The following PRKD1 variants were observed in gnomAD, a reference collection of about 807,000 sequenced individuals.
PRKD1 encodes the protein serine/threonine-protein kinase D1.
PRKD1 carries 63 observed loss-of-function variants against 95.9 expected under a neutral mutation model. That is an observed-to-expected ratio of 0.66 (90% CI 0.54 to 0.81). PRKD1 has a LOEUF of 0.81. PRKD1 is among the 30% of genes least tolerant of loss of function. PRKD1 has a pLI of 0.00. For synonymous variants in PRKD1, 425 were observed against 423.1 expected (o/e 1.00, Z -0.05); for missense variants, 1,048 against 1,165.3 (o/e 0.90, Z 1.47).
intron 1 of PRKD1, among the ~76,000 whole-genome samples, chr14:29,888,785 T>C (rs146250660): frequency 8.5e-5 from 13 of 152,342 alleles, no homozygotes; most frequent in Non-Finnish European, 1.8e-4. Context: ...ACTAAGTTAC[T>C]TATAGCTGAC....
At chr14:29,698,479 C>A (rs1393536569) in intron 2 of PRKD1, among the ~76,000 whole-genome samples, 1 of 152,130 alleles carries the variant, frequency 6.6e-6, no homozygotes, top group East Asian at 1.9e-4. Flanking sequence ...GGCCTTCTAA[C>A]TTAATTTCTG....
chr14:29,913,382 A>G (rs1289658273), intron 1 of PRKD1, among the ~76,000 whole-genome samples: 2 of 152,184 alleles, frequency 1.3e-5, no homozygotes, highest in African/African-American at 4.8e-5. Context: ...GTTAGTGAAT[A>G]TACAATTTAA....
chr14:29,904,417 G>A (rs1451631762), intron 1 of PRKD1, among the ~76,000 whole-genome samples: 3 of 152,050 alleles, frequency 2.0e-5, no homozygotes, highest in Admixed American at 6.6e-5. Flanking sequence ...TTCTTTCTGT[G>A]CCCCAATTTC....
intron 3 of PRKD1, 41 bp from the exon 4 acceptor site, chr14:29,663,900 A>G (rs757515248): frequency 2.5e-6 from 4 of 1,580,782 alleles, no homozygotes; most frequent in Non-Finnish European, 3.5e-6. Flanking sequence ...TGAACCATAA[A>G]TTAAAAAGTG....
chr14:29,732,536 T>C (rs1372963232), intron 1 of PRKD1, among the ~76,000 whole-genome samples: 10 of 152,180 alleles, frequency 6.6e-5, no homozygotes, highest in Non-Finnish European at 8.8e-5. Context: ...TAAAAAAGTA[T>C]CTAATTTTAC....
chr14:29,804,887 C>T (rs766187507), intron 1 of PRKD1, among the ~76,000 whole-genome samples: 1 of 152,082 alleles, frequency 6.6e-6, no homozygotes, highest in Non-Finnish European at 1.5e-5. Context: ...CAATTACACC[C>T]AAGAGAATGC....
Position 29,715,448 on chromosome 14 carries a change from G to A in PRKD1, c.403+10088C>T, listed in dbSNP as rs190703940. ...TTTATTTTAATTAATGTACATAGTC[G>A]CATATGGTTAAAAGCTACCACAATG... On this transcript the variant is annotated intron_variant, in intron 2 of 17. Coordinates refer to ENST00000331968, the MANE Select transcript of PRKD1 (RefSeq NM_002742.3). Among the ~76,000 whole-genome samples, 76 of 152,086 alleles carry A rather than the reference G, an allele frequency of 5.0e-4. 1 individual carries two copies. Among genetic ancestry groups the A allele is most frequent in the African/African-American group, 4.1e-4 (17 of 41,478 alleles).
Position 29,725,650 on chromosome 14 carries a change from T to C in PRKD1, c.289A>G (p.Met97Val). The change falls in exon 2 of 18, where the codon ATG becomes GTG. Residue 97 changes from methionine (M) to valine (V), a missense_variant. Met to Val is a conservative substitution (Grantham distance 21). This residue lies in a region of PRKD1 where 275 missense variants were observed against 248.6 expected (regional missense o/e 1.11). Coordinates refer to ENST00000331968, the MANE Select transcript of PRKD1 (RefSeq NM_002742.3). ...CGAAAAAGCAGGATCTTATCATACA[T>C]TCCGTAGAAACCACATTCAGGGAAC... ...QKFPECGFYG[M>V]YDKILLFRHD... is the part of the protein sequence containing the mutation. 1 of 1,613,624 alleles carries C rather than the reference T, an allele frequency of 6.2e-7. No homozygotes were observed. Among genetic ancestry groups the C allele is most frequent in the Non-Finnish European group, 8.5e-7 (1 of 1,179,684 alleles).
At chr14:29,828,745 T>G (rs1186310871) in intron 1 of PRKD1, among the ~76,000 whole-genome samples, 1 of 152,126 alleles carries the variant, frequency 6.6e-6, no homozygotes, top group African/African-American at 2.4e-5. Context: ...ACAAAACATA[T>G]ACTGAATTAG....
intron 1 of PRKD1, among the ~76,000 whole-genome samples, chr14:29,731,753 T>C (rs1174087562): frequency 1.3e-5 from 2 of 152,170 alleles, no homozygotes; most frequent in Non-Finnish European, 2.9e-5. Flanking sequence ...CTTCTTAGAA[T>C]TAATGTTTCC....
rs555988551 is a variant in PRKD1, at chr14:29,635,956, A to G, written c.1190+334T>C. 2.2e-4 allele frequency among the ~76,000 whole-genome samples: 33 copies of G among 152,062 alleles called. No individual in the cohort carries two copies. In the South Asian group the frequency reaches 6.6e-3, roughly 31 times the overall value. On this transcript the variant is annotated intron_variant, in intron 7 of 17. Transcript: ENST00000331968. ...ATGATTTCTGCTGAGTTTGATCTTG[A>G]TTTTTGTTGTTTCTACACAATGAGC...
intron 1 of PRKD1, among the ~76,000 whole-genome samples, chr14:29,856,534 C>T (rs1892511304): frequency 6.6e-6 from 1 of 152,146 alleles, no homozygotes; most frequent in African/African-American, 2.4e-5. Flanking sequence ...AATTTTAGTG[C>T]CAGTTTTATC....
chr14:29,728,177 A>G (rs150884177), intron 1 of PRKD1, among the ~76,000 whole-genome samples: 413 of 152,248 alleles, frequency 2.7e-3, no homozygotes, highest in Admixed American at 8.5e-3. Flanking sequence ...AAAAAGAAAT[A>G]TCTCCAATAA....
Position 29,909,296 on chromosome 14 carries a change from G to A in PRKD1, c.264+17953C>T, listed in dbSNP as rs866085868. Among the ~76,000 whole-genome samples, 37 of 15,066 alleles carry A rather than the reference G, an allele frequency of 2.5e-3. No individual in the cohort carries two copies. The South Asian group carries it at 0.069, about 28-fold the overall frequency. The allele number at this position is 15,066 out of a possible 152,430, so 9.9% of individuals were successfully genotyped here. On this transcript the variant is annotated intron_variant, in intron 1 of 17. Transcript: ENST00000331968. Reference sequence around the variant, plus strand: ...GCCTCCCCCCTACCCAACCCCCCCCGCCCCCCATGGGCTCCTGCACAGCCC... The same window carrying A: ...GCCTCCCCCCTACCCAACCCCCCCCACCCCCCATGGGCTCCTGCACAGCCC...
intron 2 of PRKD1, among the ~76,000 whole-genome samples, chr14:29,701,493 G>C (rs745363234): frequency 4.6e-5 from 7 of 152,120 alleles, no homozygotes; most frequent in Admixed American, 3.9e-4. Context: ...TTTTCACAAC[G>C]AATATCTTTT....
chr14:29,871,798 C>T (rs1251043602), intron 1 of PRKD1, among the ~76,000 whole-genome samples: 1 of 152,078 alleles, frequency 6.6e-6, no homozygotes, highest in East Asian at 1.9e-4. Context: ...GCTCTGGGTC[C>T]TCTTGGGTCA....
chr14:29,818,477 T>C (rs1890779854), intron 1 of PRKD1, among the ~76,000 whole-genome samples: 1 of 152,156 alleles, frequency 6.6e-6, no homozygotes, highest in African/African-American at 2.4e-5. Flanking sequence ...GTAGTCAAAA[T>C]TGTGCACTTT....
chr14:29,896,925 G>T (rs569439325), intron 1 of PRKD1, among the ~76,000 whole-genome samples: 1 of 151,960 alleles, frequency 6.6e-6, no homozygotes, highest in South Asian at 2.1e-4. Context: ...GTAAGTGCAT[G>T]TTCTCTAAAT....
At chr14:29,859,270 G>A (rs1892618668) in intron 1 of PRKD1, among the ~76,000 whole-genome samples, 1 of 152,048 alleles carries the variant, frequency 6.6e-6, no homozygotes, top group Admixed American at 6.6e-5. Flanking sequence ...AGGAGATTGA[G>A]ACCACCCTGG....
Sources: gnomAD v4.1 joint callset for allele counts (sites outside exome capture counted in the v4.1 genomes callset) on GRCh38, gnomAD v4.1.1 for gene constraint, gnomAD v4.1.1 regional missense constraint, MANE v1.5 for transcripts, NCBI Gene and HGNC (gene_info 2026-07-23, HGNC 2026-07-21) for gene names.